SPTLC3: variants seen among roughly 807,000 people sequenced by gnomAD.
SPTLC3 encodes the protein serine palmitoyltransferase long chain base subunit 3.
SPTLC3 carries 36 observed loss-of-function variants against 59.3 expected under a neutral mutation model. The observed-to-expected ratio is 0.61, with a 90% CI of 0.47 to 0.80. SPTLC3 has a LOEUF of 0.80. Among genes scored for constraint, SPTLC3 ranks in the 30% least tolerant of loss-of-function variants. The pLI, the probability that SPTLC3 is intolerant of heterozygous loss-of-function variation, is 0.00. For missense variants in SPTLC3, 625 were observed against 685.1 expected (o/e 0.91, Z 0.98); for synonymous variants, 257 against 240.8 (o/e 1.07, Z -0.62).
intron 1 of SPTLC3, among the ~76,000 whole-genome samples, chr20:13,013,396 G>T (rs6078880): frequency 0.57 from 85,888 of 151,932 alleles, 26,914 homozygotes; most frequent in South Asian, 0.72. Context: ...GCTCACCTAG[G>T]CTACCCCCTG....
intron 9 of SPTLC3, among the ~76,000 whole-genome samples, chr20:13,133,413 G>A (rs1475692950): frequency 1.3e-5 from 2 of 152,092 alleles, no homozygotes; most frequent in Non-Finnish European, 2.9e-5. Context: ...AATGGCTTGT[G>A]GATTTCTTGT....
intron 6 of SPTLC3, among the ~76,000 whole-genome samples, chr20:13,105,566 G>A (rs1989843656): frequency 6.6e-6 from 1 of 152,112 alleles, no homozygotes; most frequent in Non-Finnish European, 1.5e-5. Flanking sequence ...TTAATCCATC[G>A]TGTTTATGTG....
intron 9 of SPTLC3, among the ~76,000 whole-genome samples, chr20:13,131,173 A>T (rs2038112224): frequency 6.6e-6 from 1 of 152,192 alleles, no homozygotes; most frequent in African/African-American, 2.4e-5. Context: ...TCATGTTTAA[A>T]TCTTCGATGT....
intron 9 of SPTLC3, among the ~76,000 whole-genome samples, chr20:13,151,984 C>T (rs1016669245): frequency 6.6e-6 from 1 of 151,142 alleles, no homozygotes; most frequent in Admixed American, 6.6e-5. Flanking sequence ...ACTGCCTCTA[C>T]TAAAAAAAAA....
At chr20:13,119,301 C>T (rs7271965) in intron 8 of SPTLC3, among the ~76,000 whole-genome samples, 7,270 of 152,210 alleles carry the variant, frequency 0.048, 603 homozygotes, top group African/African-American at 0.16. Context: ...GTGGATGTCA[C>T]ATTTTTCCCC....
chr20:13,031,343 A>T (rs1249125509), intron 1 of SPTLC3, among the ~76,000 whole-genome samples: 3 of 152,188 alleles, frequency 2.0e-5, no homozygotes, highest in Non-Finnish European at 2.9e-5. Flanking sequence ...AACTAACGAC[A>T]TATGGCTAGC....
chr20:13,139,291 T>TTTTC (rs1430566608), intron 9 of SPTLC3, among the ~76,000 whole-genome samples: 1 of 152,150 alleles, frequency 6.6e-6, no homozygotes, highest in Non-Finnish European at 1.5e-5. Flanking sequence ...TCTTTGAAAA[T>TTTTC]TTTCCATAGT....
chr20:13,010,141 G>C (rs551635474), intron 1 of SPTLC3, among the ~76,000 whole-genome samples: 2 of 151,874 alleles, frequency 1.3e-5, no homozygotes, highest in African/African-American at 4.8e-5. Context: ...AGAGAGCCTG[G>C]GTCTGTGAGG....
intron 4 of SPTLC3, among the ~76,000 whole-genome samples, chr20:13,076,108 T>A (rs1424976636): frequency 6.6e-6 from 1 of 152,202 alleles, no homozygotes; most frequent in African/African-American, 2.4e-5. Context: ...AAAAGGACTT[T>A]AACATTTTTC....
intron 2 of SPTLC3, among the ~76,000 whole-genome samples, chr20:13,054,273 T>C (rs959993968): frequency 6.6e-6 from 1 of 152,170 alleles, no homozygotes; most frequent in Non-Finnish European, 1.5e-5. Flanking sequence ...TAATGGGTTC[T>C]TTTAGTAAGC....
At chr20:13,048,680 C>A (rs532577687) in intron 1 of SPTLC3, among the ~76,000 whole-genome samples, 43 of 152,290 alleles carry the variant, frequency 2.8e-4, no homozygotes, top group Non-Finnish European at 5.1e-4. Flanking sequence ...ACTTTAGCAA[C>A]TTGCAAACAC....
chr20:13,127,060 C>T (rs2038010952), intron 9 of SPTLC3, among the ~76,000 whole-genome samples: 2 of 152,162 alleles, frequency 1.3e-5, no homozygotes, highest in African/African-American at 2.4e-5. Context: ...CTTGTGTTTC[C>T]CTAAGACCAA....
At chr20:13,109,176 T>C (rs1337887504) in intron 6 of SPTLC3, among the ~76,000 whole-genome samples, 1 of 152,236 alleles carries the variant, frequency 6.6e-6, no homozygotes, top group South Asian at 2.1e-4. Flanking sequence ...CATCAACCTC[T>C]GATAGCAGAT....
chr20:13,086,750 T>C (rs1989017959), intron 4 of SPTLC3, among the ~76,000 whole-genome samples: 2 of 152,090 alleles, frequency 1.3e-5, no homozygotes, highest in South Asian at 2.1e-4. Context: ...CATTTCCTTT[T>C]TCTTCTCTCT....
intron 11 of SPTLC3, among the ~76,000 whole-genome samples, chr20:13,163,261 G>A (rs901725992): frequency 1.3e-5 from 2 of 149,686 alleles, no homozygotes; most frequent in African/African-American, 2.5e-5. Context: ...CCAGCTACTC[G>A]AACTGCTGAG....
intron 6 of SPTLC3, among the ~76,000 whole-genome samples, chr20:13,094,439 ATT>A (rs1324461920): frequency 1.3e-5 from 2 of 152,066 alleles, no homozygotes; most frequent in East Asian, 3.9e-4. Flanking sequence ...ACACACACAA[ATT>A]TGTTTTCTCT....
rs749530291 is a variant in SPTLC3 at position 13,168,984 on chromosome 20, T to C, written c.*4117T>C. 1 of 149,142 alleles carries C rather than the reference T, an allele frequency of 6.7e-6. No individual in the cohort carries two copies. Among genetic ancestry groups the C allele is most frequent in the Non-Finnish European group, 1.5e-5 (1 of 66,756 alleles). 9.2% of individuals were successfully genotyped at this position (149,142 alleles called of 1,614,324 possible). A position where few individuals can be genotyped will look rare whatever the true frequency, so the allele number is the denominator to read the frequency against. ...GTGTGTGTGTGTGCATGTGTCTTTG[T>C]GTGTGTGAGAAGGACAGAGAGAAAT... On this transcript the variant is annotated 3_prime_UTR_variant, in exon 12 of 12. Coordinates refer to ENST00000399002, the MANE Select transcript of SPTLC3 (RefSeq NM_018327.4).
intron 1 of SPTLC3, among the ~76,000 whole-genome samples, chr20:13,021,145 C>T (rs771502000): frequency 3.3e-5 from 5 of 152,190 alleles, no homozygotes; most frequent in Non-Finnish European, 7.3e-5. Flanking sequence ...TCTCAAAGCA[C>T]ATTCTTCTCT....
rs572185607 is a variant in SPTLC3, at chr20:13,136,922, C to A, written c.1279+10205C>A. ...TTAGATATTATCAATTAAACAGATA[C>A]TATCCAGATAACTACTTCAATTCTC... On this transcript the variant is annotated intron_variant, in intron 9 of 11. Transcript: ENST00000399002. 3.7e-3 allele frequency among the ~76,000 whole-genome samples: 562 copies of A among 152,074 alleles called. 1 individual carries two copies. Among genetic ancestry groups the A allele is most frequent in the Non-Finnish European group, 6.1e-3 (418 of 67,992 alleles).
Sources: gnomAD v4.1 joint callset for allele counts (sites outside exome capture counted in the v4.1 genomes callset) on GRCh38, gnomAD v4.1.1 for gene constraint, MANE v1.5 for transcripts, NCBI Gene and HGNC (gene_info 2026-07-23, HGNC 2026-07-21) for gene names.